CSMD1: variants seen among roughly 807,000 people sequenced by gnomAD.
CSMD1 encodes the protein CUB and sushi domain-containing protein 1.
CSMD1 carries 213 observed loss-of-function variants against 417.5 expected under a neutral mutation model. The observed-to-expected ratio is 0.51, with a 90% CI of 0.46 to 0.57. The LOEUF (loss-of-function observed/expected upper bound fraction) is 0.57. CSMD1 is among the 20% of genes least tolerant of loss of function. The pLI, the probability that CSMD1 is intolerant of heterozygous loss-of-function variation, is 0.00. For missense variants in CSMD1, 6,923 were observed against 4,529.7 expected (o/e 1.53, Z -15.17); for synonymous variants, 2,862 against 1,736.8 (o/e 1.65, Z -16.11).
chr8:4,805,588 C>T (rs781130711), intron 1 of CSMD1, among the ~76,000 whole-genome samples: 18 of 152,202 alleles, frequency 1.2e-4, no homozygotes, highest in Non-Finnish European at 1.8e-4. Context: ...GAGGAAGACG[C>T]TGAGCCAAAA....
In CSMD1 at chr8:3,411,981, C is replaced by CGT. The variant is rs1812796354; in HGVS notation, c.1562-2378_1562-2377dup. 4.7e-5 allele frequency among the ~76,000 whole-genome samples: 2 copies of CGT among 42,754 alleles called. 1 individual carries two copies. The highest frequency in any genetic ancestry group is 1.4e-3 in the East Asian group (2 of 1,398). The allele number at this position is 42,754 out of a possible 152,430, so 28.0% of individuals were successfully genotyped here. A position where few individuals can be genotyped will look rare whatever the true frequency, so the allele number is the denominator to read the frequency against. Reference sequence around the variant, plus strand: ...ACGTATATATGCACGTATATATACACGTATATATACGTGTATATACACGTA... The same window carrying CGT: ...ACGTATATATGCACGTATATATACACGTGTATATATACGTGTATATACACGTA... On this transcript the variant is annotated intron_variant, in intron 12 of 69. Coordinates refer to ENST00000635120, the MANE Select transcript of CSMD1 (RefSeq NM_033225.6).
chr8:4,612,338 C>A (rs527595920), intron 2 of CSMD1, among the ~76,000 whole-genome samples: 1 of 148,880 alleles, frequency 6.7e-6, no homozygotes, highest in African/African-American at 2.6e-5. Context: ...TACTTAGGAG[C>A]ACTTTCAGAA....
intron 3 of CSMD1, among the ~76,000 whole-genome samples, chr8:4,189,054 A>C (rs1647305): frequency 4.6e-5 from 7 of 152,140 alleles, no homozygotes; most frequent in Non-Finnish European, 1.0e-4. Context: ...TTTATTTGTT[A>C]TAAGAGTGAA....
intron 2 of CSMD1, among the ~76,000 whole-genome samples, chr8:4,521,270 G>C (rs898732078): frequency 6.6e-6 from 1 of 152,124 alleles, no homozygotes; most frequent in Non-Finnish European, 1.5e-5. Flanking sequence ...TCAAGACATA[G>C]CTGTGAAGGA....
At chr8:4,022,453 A>G (rs1410033220) in intron 4 of CSMD1, among the ~76,000 whole-genome samples, 1 of 152,142 alleles carries the variant, frequency 6.6e-6, no homozygotes, top group African/African-American at 2.4e-5. Flanking sequence ...GGATGCAGAT[A>G]AGGACATTTG....
intron 2 of CSMD1, among the ~76,000 whole-genome samples, chr8:4,575,631 C>T (rs1585273084): frequency 6.6e-6 from 1 of 152,148 alleles, no homozygotes; most frequent in South Asian, 2.1e-4. Flanking sequence ...TGCATTTGAA[C>T]TCCAGTTCCC....
intron 1 of CSMD1, among the ~76,000 whole-genome samples, chr8:4,862,584 C>T (rs897015118): frequency 6.6e-6 from 1 of 151,836 alleles, no homozygotes; most frequent in Admixed American, 6.6e-5. Flanking sequence ...GATGTTAGAA[C>T]CATTAAAATA....
At chr8:3,171,670 G>C (rs922034041) in intron 37 of CSMD1, among the ~76,000 whole-genome samples, 2 of 152,094 alleles carry the variant, frequency 1.3e-5, no homozygotes, top group Non-Finnish European at 2.9e-5. Flanking sequence ...GAATTCTAAA[G>C]TGAGTAAGAA....
chr8:3,538,484 G>A (rs940670123), intron 10 of CSMD1, among the ~76,000 whole-genome samples: 3 of 151,976 alleles, frequency 2.0e-5, no homozygotes, highest in African/African-American at 7.3e-5. Context: ...ATACACCTGA[G>A]ATGCCTCACC....
chr8:4,039,726 G>C (rs989077349), intron 3 of CSMD1, among the ~76,000 whole-genome samples: 14 of 152,246 alleles, frequency 9.2e-5, no homozygotes, highest in African/African-American at 3.1e-4. Flanking sequence ...GGCAAGATTT[G>C]GCCAAATAAG....
chr8:4,449,981 C>A (rs1393388663), intron 2 of CSMD1, among the ~76,000 whole-genome samples: 1 of 152,320 alleles, frequency 6.6e-6, no homozygotes, highest in Admixed American at 6.5e-5. Flanking sequence ...TTCTGCCTTT[C>A]ACTGGCCCTG....
At position 4,185,688 on chromosome 8, in the gene CSMD1, A is replaced by C. The variant is rs374613026; in HGVS notation, c.416-153589T>G. 3.9e-4 allele frequency among the ~76,000 whole-genome samples: 60 copies of C among 152,304 alleles called. No homozygotes were observed. In the East Asian group the frequency reaches 8.9e-3, roughly 23 times the overall value. ...TCACGTAAATGCCCAATGAATGTCT[A>C]GTTTGAAGACATGTACTGAAATATG... On this transcript the variant is annotated intron_variant, in intron 3 of 69. Transcript: ENST00000635120.
chr8:3,616,868 C>G (rs1802166392), intron 7 of CSMD1, 71 bp from the exon 8 acceptor site: 1 of 1,085,520 alleles, frequency 9.2e-7, no homozygotes, highest in South Asian at 1.5e-5. Context: ...AAAATTTATT[C>G]TAGGCATTTT....
intron 5 of CSMD1, among the ~76,000 whole-genome samples, chr8:3,754,762 T>G (rs951445773): frequency 4.6e-5 from 7 of 152,158 alleles, no homozygotes; most frequent in Non-Finnish European, 1.0e-4. Context: ...GCCACAAGAC[T>G]TACGAATTCT....
chr8:4,415,881 G>C (rs963302366), intron 3 of CSMD1, among the ~76,000 whole-genome samples: 4 of 152,188 alleles, frequency 2.6e-5, no homozygotes, highest in Non-Finnish European at 5.9e-5. Flanking sequence ...GAAACAGTGA[G>C]TGTATAAGGA....
intron 1 of CSMD1, among the ~76,000 whole-genome samples, chr8:4,759,231 C>A (rs1811867187): frequency 6.6e-6 from 1 of 152,126 alleles, no homozygotes; most frequent in East Asian, 1.9e-4. Context: ...TTTAACCTCA[C>A]CATCAGTGTC....
At chr8:4,040,057 T>C (rs1041456691) in intron 3 of CSMD1, among the ~76,000 whole-genome samples, 4 of 152,270 alleles carry the variant, frequency 2.6e-5, no homozygotes, top group Admixed American at 6.5e-5. Flanking sequence ...ACCATGCAAA[T>C]GTTAGGGAAA....
At chr8:4,717,384 C>A (rs553240287) in intron 1 of CSMD1, among the ~76,000 whole-genome samples, 1 of 136,760 alleles carries the variant, frequency 7.3e-6, no homozygotes. Context: ...TACACACACA[C>A]ATATACATAC....
chr8:3,546,567 A>G (rs137936196), intron 10 of CSMD1, among the ~76,000 whole-genome samples: 9 of 152,222 alleles, frequency 5.9e-5, no homozygotes, highest in African/African-American at 1.9e-4. Flanking sequence ...TACTGTCACC[A>G]TACATTGTTC....
Sources: allele counts gnomAD v4.1 joint callset (sites outside exome capture counted in the v4.1 genomes callset), GRCh38; gene constraint gnomAD v4.1.1; transcripts MANE v1.5; gene names NCBI Gene and HGNC (gene_info 2026-07-23, HGNC 2026-07-21).